The following REDIC1 variants were observed in gnomAD, a reference collection of about 807,000 sequenced individuals.
The protein encoded by REDIC1 is HEI10 Interacting Protein 1.
the REDIC1 span, among the ~76,000 whole-genome samples, chr12:39,769,547 GT>G: frequency 6.8e-6 from 1 of 146,256 alleles, no homozygotes; most frequent in Non-Finnish European, 1.5e-5. Flanking sequence ...ACATTGTAGG[GT>G]GTAGGCTTCC....
At chr12:39,654,067 T>A in the REDIC1 span, among the ~76,000 whole-genome samples, 1 of 151,734 alleles carries the variant, frequency 6.6e-6, no homozygotes, top group Non-Finnish European at 1.5e-5. Flanking sequence ...TATGATGTTG[T>A]TTTTTTTAAG....
At chr12:39,893,361 G>T in the REDIC1 span, among the ~76,000 whole-genome samples, 1 of 152,196 alleles carries the variant, frequency 6.6e-6, no homozygotes, top group Non-Finnish European at 1.5e-5. Context: ...GCACAGTGGT[G>T]CAATCTCAGC....
chr12:39,651,706 T>C, the REDIC1 span, among the ~76,000 whole-genome samples: 1 of 152,204 alleles, frequency 6.6e-6, no homozygotes, highest in Non-Finnish European at 1.5e-5. Context: ...CAGTTCTTTT[T>C]TGTTCTGAGA....
the REDIC1 span, among the ~76,000 whole-genome samples, chr12:39,874,157 A>G: frequency 6.6e-6 from 1 of 152,202 alleles, no homozygotes; most frequent in African/African-American, 2.4e-5. Flanking sequence ...TTTCCAGGGA[A>G]TTAATGTTAG....
chr12:39,724,616 A>C, the REDIC1 span, among the ~76,000 whole-genome samples: 1 of 152,122 alleles, frequency 6.6e-6, no homozygotes, highest in African/African-American at 2.4e-5. Flanking sequence ...GATTATGACA[A>C]GTAGATGGAT....
the REDIC1 span, among the ~76,000 whole-genome samples, chr12:39,694,624 G>T: frequency 6.6e-6 from 1 of 152,158 alleles, no homozygotes; most frequent in Non-Finnish European, 1.5e-5. Flanking sequence ...CCTATTATGG[G>T]CTAAAGTGCT....
the REDIC1 span, among the ~76,000 whole-genome samples, chr12:39,686,916 C>T: frequency 6.6e-6 from 1 of 152,142 alleles, no homozygotes; most frequent in African/African-American, 2.4e-5. Flanking sequence ...AATTAATCAC[C>T]TTCAAGTTCA....
chr12:39,709,151 A>G, the REDIC1 span, among the ~76,000 whole-genome samples: 1 of 151,214 alleles, frequency 6.6e-6, no homozygotes, highest in Non-Finnish European at 1.5e-5. Context: ...ACACACACAC[A>G]GCTACTTTAG....
chr12:39,699,521 G>T, the REDIC1 span, among the ~76,000 whole-genome samples: 3 of 152,240 alleles, frequency 2.0e-5, no homozygotes, highest in African/African-American at 7.2e-5. Flanking sequence ...GCAAGGCTGG[G>T]GGAGGGGCGC....
the REDIC1 span, among the ~76,000 whole-genome samples, chr12:39,673,502 C>T: frequency 6.6e-6 from 1 of 152,204 alleles, no homozygotes; most frequent in Non-Finnish European, 1.5e-5. Context: ...AAGCAAGGCT[C>T]TGCATAATCT....
the REDIC1 span, among the ~76,000 whole-genome samples, chr12:39,737,205 C>T: frequency 6.6e-6 from 1 of 152,152 alleles, no homozygotes; most frequent in Non-Finnish European, 1.5e-5. Context: ...AATACATGCA[C>T]CTGGCTCTTT....
the REDIC1 span, among the ~76,000 whole-genome samples, chr12:39,686,783 T>G: frequency 6.6e-6 from 1 of 152,238 alleles, no homozygotes; most frequent in South Asian, 2.1e-4. Context: ...CTGTTTTAAA[T>G]ATAAGTTCCA....
the REDIC1 span, among the ~76,000 whole-genome samples, chr12:39,659,520 A>C: frequency 4.6e-5 from 7 of 152,160 alleles, no homozygotes; most frequent in African/African-American, 1.7e-4. Context: ...TATATCTTCC[A>C]CGTCCATAAT....
chr12:39,891,883 A>G, the REDIC1 span, among the ~76,000 whole-genome samples: 1,767 of 152,306 alleles, frequency 0.012, 28 homozygotes, highest in African/African-American at 0.039. Flanking sequence ...TGGTTTGATC[A>G]TTATTATTAG....
chr12:39,656,884 AGCT>A, the REDIC1 span, among the ~76,000 whole-genome samples: 8 of 152,338 alleles, frequency 5.3e-5, no homozygotes, highest in Admixed American at 1.3e-4. Context: ...ATTTTTTTAC[AGCT>A]GTACAATGTA....
At chr12:39,666,500 T>G in the REDIC1 span, among the ~76,000 whole-genome samples, 1 of 152,370 alleles carries the variant, frequency 6.6e-6, no homozygotes, top group East Asian at 1.9e-4. Context: ...GCATCGATGT[T>G]CATCAGGAAT....
At chr12:39,718,805 C>T in the REDIC1 span, among the ~76,000 whole-genome samples, 1 of 152,022 alleles carries the variant, frequency 6.6e-6, no homozygotes, top group Non-Finnish European at 1.5e-5. Context: ...AGCTGCTTCC[C>T]CTATTACCTT....
chr12:39,896,083 C>CCT, the REDIC1 span, among the ~76,000 whole-genome samples: 68 of 145,118 alleles, frequency 4.7e-4, 3 homozygotes, highest in Middle Eastern at 5.3e-3. Context: ...TACACGTGTA[C>CCT]ATATATGTAT....
the REDIC1 span, among the ~76,000 whole-genome samples, chr12:39,660,437 A>C: frequency 6.6e-6 from 1 of 152,218 alleles, no homozygotes; most frequent in East Asian, 1.9e-4. Flanking sequence ...TCTCTCTCTC[A>C]GGGATCATTA....
Sources: allele counts gnomAD v4.1 joint callset (sites outside exome capture counted in the v4.1 genomes callset), GRCh38; gene constraint gnomAD v4.1.1; transcripts MANE v1.5; gene names NCBI Gene and HGNC (gene_info 2026-07-23, HGNC 2026-07-21).